Variants in SLC41A2 observed in about 807,000 individuals in gnomAD.
The protein encoded by SLC41A2 is SLC41A1-like 1.
SLC41A2 carries 32 observed loss-of-function variants against 58.3 expected under a neutral mutation model. The ratio of observed to expected loss-of-function variants is 0.55; its 90% confidence interval spans 0.41 to 0.74. The LOEUF is 0.74. Among genes scored for constraint, SLC41A2 ranks in the 30% least tolerant of loss-of-function variants. The pLI is 0.00. For missense variants in SLC41A2, 514 were observed against 680.6 expected (o/e 0.76, Z 2.72); for synonymous variants, 190 against 235.0 (o/e 0.81, Z 1.75).
chr12:104,882,758 C>G (rs1052191890), intron 6 of SLC41A2, among the ~76,000 whole-genome samples: 2 of 152,144 alleles, frequency 1.3e-5, no homozygotes, highest in Non-Finnish European at 2.9e-5. Flanking sequence ...AACATTTTTT[C>G]CTTCATTTCA....
At chr12:104,861,505 T>A (rs1311871244) in intron 7 of SLC41A2, 135 bp from the exon 8 acceptor site, 2 of 557,488 alleles carry the variant, frequency 3.6e-6, no homozygotes, top group Non-Finnish European at 6.1e-6. Flanking sequence ...AATAAAAATA[T>A]TCAAAGTAAA....
intron 6 of SLC41A2, among the ~76,000 whole-genome samples, chr12:104,883,401 C>T (rs61542626): frequency 0.015 from 2,212 of 152,216 alleles, 66 homozygotes; most frequent in African/African-American, 0.05. Context: ...AAGAGGCGTT[C>T]GGTTTTTAGA....
At chr12:104,823,426 A>G (rs1237213282) in intron 10 of SLC41A2, among the ~76,000 whole-genome samples, 1 of 152,200 alleles carries the variant, frequency 6.6e-6, no homozygotes, top group Non-Finnish European at 1.5e-5. Flanking sequence ...TTAAGAATAG[A>G]CATATAAATC....
chr12:104,895,443 T>C, intron 3 of SLC41A2, 98 bp from the exon 4 acceptor site: 1 of 802,986 alleles, frequency 1.2e-6, no homozygotes, highest in African/African-American at 1.7e-5. Context: ...AAAATAATTC[T>C]TCAGTAAATC....
intron 6 of SLC41A2, among the ~76,000 whole-genome samples, chr12:104,876,794 AT>A (rs566591984): frequency 2.5e-4 from 38 of 152,216 alleles, no homozygotes; most frequent in Non-Finnish European, 5.0e-4. Flanking sequence ...TGCTAGATTC[AT>A]TTGGTCTAAA....
chr12:104,949,654 G>A (rs1196442939), intron 1 of SLC41A2, among the ~76,000 whole-genome samples: 2 of 152,234 alleles, frequency 1.3e-5, no homozygotes. Context: ...CACGATCTCA[G>A]CTCACCACAA....
In SLC41A2 at chr12:104,839,581, G is replaced by A. The variant is rs895754682; in HGVS notation, c.1536+4891C>T. 2.0e-5 allele frequency among the ~76,000 whole-genome samples: 3 copies of A among 150,158 alleles called. No individual in the cohort carries two copies. In the Admixed American group the frequency reaches 2.0e-4, roughly 10 times the overall value. ...TGCAGTGGTGTGATCTTGGCTCACT[G>A]CAAGCTCTGCCTCCCAGGTTCAAGA... On this transcript the variant is annotated intron_variant, in intron 10 of 10. Transcript: ENST00000258538.
chr12:104,823,587 T>C (rs1359849362), intron 10 of SLC41A2, among the ~76,000 whole-genome samples: 1 of 152,120 alleles, frequency 6.6e-6, no homozygotes, highest in African/African-American at 2.4e-5. Context: ...CTGAAAAATA[T>C]GAACCTCAAG....
intron 2 of SLC41A2, among the ~76,000 whole-genome samples, chr12:104,917,523 C>T (rs2046381285): frequency 6.6e-6 from 1 of 151,794 alleles, no homozygotes. Context: ...GACACATGCA[C>T]ATGTATGTTT....
chr12:104,868,040 A>G (rs1346000487), intron 6 of SLC41A2, among the ~76,000 whole-genome samples: 1 of 151,886 alleles, frequency 6.6e-6, no homozygotes, highest in East Asian at 1.9e-4. Context: ...TAAAATAATT[A>G]TACTAATAAA....
intron 1 of SLC41A2, chr12:104,931,735 C>T (rs1245012379): frequency 6.6e-6 from 1 of 152,272 alleles, no homozygotes; most frequent in Non-Finnish European, 1.5e-5. Context: ...AAAGCTCCTT[C>T]TACCACCACC....
intron 1 of SLC41A2, among the ~76,000 whole-genome samples, chr12:104,937,502 G>A (rs1000541184): frequency 7.2e-5 from 11 of 152,154 alleles, no homozygotes; most frequent in Non-Finnish European, 1.3e-4. Context: ...GCCTAGGAGC[G>A]ATAGGCCATA....
chr12:104,855,787 G>A (rs1029984525), intron 8 of SLC41A2, among the ~76,000 whole-genome samples: 2 of 152,182 alleles, frequency 1.3e-5, no homozygotes, highest in Non-Finnish European at 2.9e-5. Context: ...ATAAGGGAGA[G>A]GAAGTATGCG....
In SLC41A2 at chr12:104,805,056, A is replaced by G. The variant is rs2040842243; in HGVS notation, c.*96T>C. Reference sequence around the variant, plus strand: ...GGCCAACTGAAGATTACCCTGGCAAAAGTCAAACTACTGATTTAAGAGTTT... The same window carrying G: ...GGCCAACTGAAGATTACCCTGGCAAGAGTCAAACTACTGATTTAAGAGTTT... On this transcript the variant is annotated 3_prime_UTR_variant, in exon 11 of 11. Transcript: ENST00000258538. The G allele has an allele frequency of 9.0e-7, 1 of 1,116,004 alleles. No individual in the cohort carries two copies. The allele number at this position is 1,116,004 out of a possible 1,614,324, so 69.1% of individuals were successfully genotyped here.
chr12:104,864,335 T>A (rs1262433428), intron 7 of SLC41A2, among the ~76,000 whole-genome samples: 1 of 152,204 alleles, frequency 6.6e-6, no homozygotes, highest in Non-Finnish European at 1.5e-5. Context: ...ATTTCTTTAG[T>A]CTTCTCTTAC....
chr12:104,958,428 G>A (rs1164194020), upstream of SLC41A2: 1 of 151,360 alleles, frequency 6.6e-6, no homozygotes, highest in Non-Finnish European at 1.5e-5. Flanking sequence ...GCGACCCGGA[G>A]CGACAGCACC....
Position 104,872,638 on chromosome 12 carries a change from C to T in SLC41A2, c.1028-6059G>A, listed in dbSNP as rs146187984. Among the ~76,000 whole-genome samples the T allele has an allele frequency of 8.0e-4, 122 of 152,106 alleles. No homozygotes were observed. In the East Asian group the frequency reaches 0.019, roughly 24 times the overall value. On this transcript the variant is annotated intron_variant, in intron 6 of 10. Coordinates refer to ENST00000258538, the MANE Select transcript of SLC41A2 (RefSeq NM_001352171.3). Reference sequence around the variant, plus strand: ...ATCCCAGATACTTGGGAGGCTGAGGCAGAACTGCTTGAGCCTGGGAGGCGG... The same window carrying T: ...ATCCCAGATACTTGGGAGGCTGAGGTAGAACTGCTTGAGCCTGGGAGGCGG...
intron 10 of SLC41A2, among the ~76,000 whole-genome samples, chr12:104,840,921 C>T (rs150576816): frequency 1.5e-3 from 233 of 151,918 alleles, no homozygotes; most frequent in Middle Eastern, 0.01. Context: ...TAAGAAATAC[C>T]CATTCAGCTA....
chr12:104,861,272 C>T lies in SLC41A2; in HGVS notation c.1255+19G>A, dbSNP rs2043202699. The T allele has an allele frequency of 6.5e-7, 1 of 1,549,874 alleles. No homozygotes were observed. Among genetic ancestry groups the T allele is most frequent in the Non-Finnish European group, 8.9e-7 (1 of 1,123,840 alleles). ...ACGAAGATTTGATATTATCATGAAA[C>T]AGTATATCTAATTCTTACCATTAAT... On this transcript the variant is annotated intron_variant, in intron 8 of 10. Transcript: ENST00000258538.
Sources: gnomAD v4.1 joint callset for allele counts (sites outside exome capture counted in the v4.1 genomes callset) on GRCh38, gnomAD v4.1.1 for gene constraint, MANE v1.5 for transcripts, NCBI Gene and HGNC (gene_info 2026-07-23, HGNC 2026-07-21) for gene names.